Variants in CISD2 observed in about 807,000 individuals in gnomAD.
The protein encoded by CISD2 is CDGSH iron sulfur domain 2.
In CISD2, 1 loss-of-function variant was observed where a neutral mutation model predicts 12.9. The ratio of observed to expected loss-of-function variants is 0.08; its 90% CI spans 0.03 to 0.37. The LOEUF (loss-of-function observed/expected upper bound fraction) is 0.37, where lower values mean the gene tolerates loss of function less well. CISD2 is among the 10% of genes least tolerant of loss of function. The pLI is 0.99. For synonymous variants in CISD2, 50 were observed against 60.6 expected (o/e 0.83, Z 0.81); for missense variants, 97 against 163.1 (o/e 0.59, Z 2.21).
chr4:102,885,237 T>C lies in CISD2; in HGVS notation c.125T>C (p.Leu42Ser). 1.2e-6 allele frequency: 2 copies of C among 1,614,144 alleles called. No homozygotes were observed. Among genetic ancestry groups the C allele is most frequent in the African/African-American group, 2.7e-5 (2 of 75,068 alleles). The change falls in exon 2 of 3, where the codon TTG (leucine) becomes TCG (serine). Residue 42 changes from leucine to serine, a missense_variant. Physicochemically the swap from Leu to Ser is moderately radical, Grantham distance 145. Transcript: ENST00000273986. ...RLTVSEWLRL[L>S]PFLGVLALLG... ...TTAGTTTCAGAATGGCTTCGGTTAT[T>C]GCCTTTCCTTGGTGTACTCGCACTT...
Position 102,888,200 on chromosome 4 carries a change from T to G in CISD2, c.*770T>G, listed in dbSNP as rs945085085. ...ATAAACATAAGACATTAATTCATAT[T>G]AAAATAGTTCAGTGTTCAAAATTGT... On this transcript the variant is annotated 3_prime_UTR_variant, in exon 3 of 3. Transcript: ENST00000273986. 2.0e-5 allele frequency: 3 copies of G among 152,196 alleles called. No individual in the cohort carries two copies. The highest frequency in any genetic ancestry group is 7.2e-5 in the African/African-American group (3 of 41,444). 9.4% of individuals were successfully genotyped at this position (152,196 alleles called of 1,614,324 possible). A position where few individuals can be genotyped will look rare whatever the true frequency, so the allele number is the denominator to read the frequency against.
At chr4:102,881,234 A>G (rs966650799) in intron 1 of CISD2, among the ~76,000 whole-genome samples, 1 of 152,180 alleles carries the variant, frequency 6.6e-6, no homozygotes, top group African/African-American at 2.4e-5. Context: ...GAACTAAAAA[A>G]GTTGATCTCA....
intron 1 of CISD2, among the ~76,000 whole-genome samples, chr4:102,872,209 C>T (rs1733472718): frequency 6.6e-6 from 1 of 152,138 alleles, no homozygotes; most frequent in Admixed American, 6.5e-5. Context: ...GCCGGGACTA[C>T]AGGCATGTGC....
At chr4:102,882,621 T>C (rs893786150) in intron 1 of CISD2, 1 of 152,290 alleles carries the variant, frequency 6.6e-6, no homozygotes, top group Non-Finnish European at 1.5e-5. Flanking sequence ...TTCAATATGG[T>C]AGTCAGTAGT....
Position 102,888,028 on chromosome 4 carries a change from T to A in CISD2, c.*598T>A, listed in dbSNP as rs1734023993. 6.6e-6 allele frequency: 1 copy of A among 151,804 alleles called. No individual in the cohort carries two copies. The allele number at this position is 151,804 out of a possible 1,614,324, so 9.4% of individuals were successfully genotyped here. On this transcript the variant is annotated 3_prime_UTR_variant, in exon 3 of 3. Coordinates refer to ENST00000273986, the MANE Select transcript of CISD2 (RefSeq NM_001008388.5). ...AACAGTTATTTACAGTATAAAAGAT[T>A]TGTTTACTTTACAAAAGGCTTGTGT...
At chr4:102,871,648 T>C (rs576032752) in intron 1 of CISD2, among the ~76,000 whole-genome samples, 8 of 152,328 alleles carry the variant, frequency 5.3e-5, no homozygotes, top group African/African-American at 1.7e-4. Flanking sequence ...CCATTCTGAA[T>C]AGATTGTAAC....
chr4:102,880,203 C>A (rs1733682744), intron 1 of CISD2, among the ~76,000 whole-genome samples: 1 of 152,092 alleles, frequency 6.6e-6, no homozygotes, highest in Non-Finnish European at 1.5e-5. Context: ...CTCAGCCTCC[C>A]TTAGTGCTGG....
intron 1 of CISD2, among the ~76,000 whole-genome samples, chr4:102,882,342 G>A (rs139389382): frequency 1.1e-4 from 16 of 152,050 alleles, no homozygotes; most frequent in African/African-American, 3.9e-4. Flanking sequence ...CTGCTATTTC[G>A]AGTTACATAC....
At chr4:102,875,065 C>T (rs1733561787) in intron 1 of CISD2, among the ~76,000 whole-genome samples, 1 of 152,210 alleles carries the variant, frequency 6.6e-6, no homozygotes. Context: ...AGTTTGTCAT[C>T]ATACGGCACC....
At chr4:102,871,971 T>C (rs1279315889) in intron 1 of CISD2, among the ~76,000 whole-genome samples, 1 of 152,140 alleles carries the variant, frequency 6.6e-6, no homozygotes, top group East Asian at 1.9e-4. Flanking sequence ...TACAGGCAGT[T>C]CTCACCTATC....
Position 102,891,849 on chromosome 4 carries a change from T to C in CISD2, c.*4419T>C, listed in dbSNP as rs1391499533. 1 of 152,226 alleles carries C rather than the reference T, an allele frequency of 6.6e-6. No individual in the cohort carries two copies. Among genetic ancestry groups the C allele is most frequent in the Non-Finnish European group, 1.5e-5 (1 of 68,044 alleles). The allele number at this position is 152,226 out of a possible 1,614,324, so 9.4% of individuals were successfully genotyped here. On this transcript the variant is annotated 3_prime_UTR_variant, in exon 3 of 3. Coordinates refer to ENST00000273986, the MANE Select transcript of CISD2 (RefSeq NM_001008388.5). ...TTAAAAATCATGTTTAAAAACCACATGTGCAGCAGTTCTGTGACTCCCTCA... is the reference window on the plus strand; with the variant it reads ...TTAAAAATCATGTTTAAAAACCACACGTGCAGCAGTTCTGTGACTCCCTCA...
chr4:102,869,217 C>T lies in CISD2; in HGVS notation c.103+30C>T, dbSNP rs755744162. On this transcript the variant is annotated intron_variant, in intron 1 of 2. Transcript: ENST00000273986. ...TCCTCCCCCATCAGCCAGTCCCCAT[C>T]CTTGCACGTTCGCCAAGCGGGGGAA... 4 of 1,584,174 alleles carry T rather than the reference C, an allele frequency of 2.5e-6. No individual in the cohort carries two copies. The South Asian group carries it at 3.5e-5, about 14-fold the overall frequency.
At chr4:102,885,097 C>A in intron 1 of CISD2, 119 bp from the exon 2 acceptor site, 2 of 797,630 alleles carry the variant, frequency 2.5e-6, no homozygotes, top group Non-Finnish European at 4.4e-6. Context: ...TTTTATGGAT[C>A]CATTAAAAAG....
chr4:102,870,534 A>T (rs2110390739), intron 1 of CISD2, among the ~76,000 whole-genome samples: 1 of 152,372 alleles, frequency 6.6e-6, no homozygotes, highest in East Asian at 1.9e-4. Context: ...TATTTTTTAA[A>T]TATTAAGAGT....
At chr4:102,881,115 G>A (rs1015757253) in intron 1 of CISD2, among the ~76,000 whole-genome samples, 1 of 151,904 alleles carries the variant, frequency 6.6e-6, no homozygotes, top group Non-Finnish European at 1.5e-5. Context: ...ACTAGCACAT[G>A]TAAAATTTTT....
rs1361263402 is a variant in CISD2, at chr4:102,891,159, G to A, written c.*3729G>A. On this transcript the variant is annotated 3_prime_UTR_variant, in exon 3 of 3. Coordinates refer to ENST00000273986, the MANE Select transcript of CISD2 (RefSeq NM_001008388.5). ...ACTAATAGTAGTCTAGGTAAGTCAA[G>A]TTCAAATTAAGTGGTAATTGAAAAA... is the stretch of plus-strand genomic sequence containing the variant. 1.3e-5 allele frequency: 2 copies of A among 151,428 alleles called. No individual in the cohort carries two copies. Among genetic ancestry groups the A allele is most frequent in the African/African-American group, 4.9e-5 (2 of 40,784 alleles). 9.4% of individuals were successfully genotyped at this position (151,428 alleles called of 1,614,324 possible).
At chr4:102,885,742 A>T (rs1331746017) in intron 2 of CISD2, among the ~76,000 whole-genome samples, 1 of 152,224 alleles carries the variant, frequency 6.6e-6, no homozygotes, top group African/African-American at 2.4e-5. Flanking sequence ...CTTTGGTGTC[A>T]TAGTAAATAG....
chr4:102,879,697 G>A (rs957612202), intron 1 of CISD2, among the ~76,000 whole-genome samples: 9 of 151,978 alleles, frequency 5.9e-5, no homozygotes, highest in Admixed American at 1.3e-4. Context: ...GCTTGAACCC[G>A]GGAGGCAGAG....
chr4:102,879,100 CAGG>C (rs1226385195), intron 1 of CISD2, among the ~76,000 whole-genome samples: 5 of 152,054 alleles, frequency 3.3e-5, no homozygotes, highest in Non-Finnish European at 7.4e-5. Flanking sequence ...AACTCACTAT[CAGG>C]AGAACAGCAT....
Sources: allele counts gnomAD v4.1 joint callset (sites outside exome capture counted in the v4.1 genomes callset), GRCh38; gene constraint gnomAD v4.1.1; transcripts MANE v1.5; gene names NCBI Gene and HGNC (gene_info 2026-07-23, HGNC 2026-07-21).